Variants in NUMB observed in about 807,000 individuals in gnomAD.
The protein encoded by NUMB is NUMB endocytic adaptor protein.
In NUMB, 29 loss-of-function variants were observed where a neutral mutation model predicts 59.7. The observed-to-expected ratio is 0.49, with a 90% confidence interval of 0.36 to 0.66. NUMB has a LOEUF of 0.66. Among genes scored for constraint, NUMB ranks in the 30% least tolerant of loss-of-function variants. The pLI is 0.00. For missense variants in NUMB, 723 were observed against 822.0 expected, an observed-to-expected ratio of 0.88 and a Z score of 1.47; for synonymous variants, 288 against 288.2, an observed-to-expected ratio of 1.00 and a Z score of 0.01.
chr14:73,435,126 T>C (rs909336820), intron 1 of NUMB, among the ~76,000 whole-genome samples: 4 of 152,320 alleles, frequency 2.6e-5, no homozygotes, highest in Non-Finnish European at 4.4e-5. Context: ...TGCCACTTTA[T>C]ACTCACTAGA....
intron 4 of NUMB, among the ~76,000 whole-genome samples, chr14:73,343,753 CT>C (rs1462364181): frequency 2.4e-5 from 1 of 42,154 alleles, no homozygotes; most frequent in Non-Finnish European, 4.3e-5. Flanking sequence ...TTATCAAGAG[CT>C]TTGTGTTGAT....
At chr14:73,369,862 CTA>C (rs549840077) in intron 2 of NUMB, among the ~76,000 whole-genome samples, 40 of 152,310 alleles carry the variant, frequency 2.6e-4, no homozygotes, top group African/African-American at 9.4e-4. Flanking sequence ...AGAAGCTCCT[CTA>C]TGTTCCTGCT....
At chr14:73,280,646 C>A (rs1433957998) in intron 11 of NUMB, among the ~76,000 whole-genome samples, 1 of 148,788 alleles carries the variant, frequency 6.7e-6, no homozygotes, top group Non-Finnish European at 1.5e-5. Flanking sequence ...TAATTATATC[C>A]TTTTTAGGAC....
At chr14:73,452,585 AGG>A (rs1884066633) in intron 1 of NUMB, among the ~76,000 whole-genome samples, 1 of 152,158 alleles carries the variant, frequency 6.6e-6, no homozygotes, top group Non-Finnish European at 1.5e-5. Context: ...GTGGGTAGAG[AGG>A]GGGAAGTCAC....
intron 1 of NUMB, among the ~76,000 whole-genome samples, chr14:73,428,263 G>A (rs1313085732): frequency 6.6e-6 from 1 of 152,082 alleles, no homozygotes; most frequent in Non-Finnish European, 1.5e-5. Flanking sequence ...CTAGCTGTGG[G>A]ACTTTAGCTA....
At chr14:73,423,768 C>G (rs555262816) in intron 1 of NUMB, among the ~76,000 whole-genome samples, 1 of 152,048 alleles carries the variant, frequency 6.6e-6, no homozygotes, top group South Asian at 2.1e-4. Context: ...AGAGATTGTG[C>G]CACTGCACTC....
chr14:73,369,592 A>C (rs973617986), intron 2 of NUMB, among the ~76,000 whole-genome samples: 2 of 152,242 alleles, frequency 1.3e-5, no homozygotes, highest in Admixed American at 1.3e-4. Context: ...ACAGCTGACT[A>C]ACAAAAGGAA....
chr14:73,292,914 G>A (rs1164480813), intron 7 of NUMB, 40 bp from the exon 8 acceptor site: 2 of 1,603,562 alleles, frequency 1.2e-6, no homozygotes, highest in Non-Finnish European at 1.7e-6. Context: ...AGACTTATGA[G>A]GTTATCTGAG....
chr14:73,362,029 G>A (rs1287930564), intron 3 of NUMB, among the ~76,000 whole-genome samples: 1 of 152,140 alleles, frequency 6.6e-6, no homozygotes, highest in African/African-American at 2.4e-5. Context: ...AGCCGAGGTG[G>A]GTGGATTGCT....
intron 6 of NUMB, among the ~76,000 whole-genome samples, chr14:73,313,541 G>A (rs1890895122): frequency 6.7e-6 from 1 of 149,528 alleles, no homozygotes; most frequent in African/African-American, 2.4e-5. Context: ...ATTATTTAAA[G>A]TATTGTATAA....
intron 2 of NUMB, among the ~76,000 whole-genome samples, chr14:73,403,889 T>C (rs946857661): frequency 6.6e-6 from 1 of 150,920 alleles, no homozygotes; most frequent in African/African-American, 2.4e-5. Context: ...GGTCAGGAGT[T>C]TGAAATCAGC....
At chr14:73,366,500 G>A (rs978516983) in intron 3 of NUMB, among the ~76,000 whole-genome samples, 1 of 152,130 alleles carries the variant, frequency 6.6e-6, no homozygotes, top group Non-Finnish European at 1.5e-5. Flanking sequence ...TGTTGTAAAT[G>A]CTTTGTATGT....
chr14:73,369,992 T>C (rs986182854), intron 2 of NUMB, among the ~76,000 whole-genome samples: 9 of 152,234 alleles, frequency 5.9e-5, no homozygotes, highest in African/African-American at 2.2e-4. Flanking sequence ...ATTATCCTTT[T>C]GTTGTTTGGT....
At chr14:73,354,827 C>CAA (rs10668811) in intron 4 of NUMB, among the ~76,000 whole-genome samples, 7 of 82,308 alleles carry the variant, frequency 8.5e-5, no homozygotes, top group Non-Finnish European at 1.3e-4. Flanking sequence ...GACTGTGCCT[C>CAA]AAAAAAAAAA....
At position 73,386,867 on chromosome 14, in the gene NUMB, ATTTTTTTTTTTTTTTTT is replaced by A. The variant is rs71112745; in HGVS notation, c.-100-19903_-100-19887del. ...TACAAGACAATCTATCAGGTGTCTT[ATTTTTTTTTTTTTTTTT>A]TTTTTTTTTTTTTTGAGACGGAGTC... On this transcript the variant is annotated intron_variant, in intron 2 of 12. Coordinates refer to ENST00000555238, the MANE Select transcript of NUMB (RefSeq NM_001005743.2). 3.3e-4 allele frequency among the ~76,000 whole-genome samples: 26 copies of A among 79,850 alleles called. 1 individual carries two copies. In the South Asian group the frequency reaches 5.9e-3, roughly 18 times the overall value. 52.4% of individuals were successfully genotyped at this position (79,850 alleles called of 152,430 possible).
chr14:73,288,242 T>C (rs1242171427), intron 8 of NUMB, among the ~76,000 whole-genome samples: 1 of 151,632 alleles, frequency 6.6e-6, no homozygotes, highest in African/African-American at 2.4e-5. Flanking sequence ...AGTGAGACTC[T>C]GTCTCTACCA....
chr14:73,362,856 G>T (rs1025177673), intron 3 of NUMB, among the ~76,000 whole-genome samples: 1 of 152,134 alleles, frequency 6.6e-6, no homozygotes, highest in African/African-American at 2.4e-5. Context: ...CCACTGGAAA[G>T]AGTGATCATG....
intron 4 of NUMB, among the ~76,000 whole-genome samples, chr14:73,334,405 C>T (rs1892174877): frequency 1.3e-5 from 2 of 152,162 alleles, no homozygotes; most frequent in African/African-American, 4.8e-5. Context: ...TATCTGAAAA[C>T]TGTCCATTAT....
intron 7 of NUMB, among the ~76,000 whole-genome samples, chr14:73,295,297 C>A (rs993021674): frequency 6.6e-6 from 1 of 152,082 alleles, no homozygotes; most frequent in African/African-American, 2.4e-5. Flanking sequence ...GGAAGATGGT[C>A]CCAATGGTGA....
Sources: gnomAD v4.1 joint callset for allele counts (sites outside exome capture counted in the v4.1 genomes callset) on GRCh38, gnomAD v4.1.1 for gene constraint, MANE v1.5 for transcripts, NCBI Gene and HGNC (gene_info 2026-07-23, HGNC 2026-07-21) for gene names.